Variants in TSEN54 observed in about 807,000 individuals in gnomAD.
The protein encoded by TSEN54 is tRNA-splicing endonuclease subunit Sen54.
In TSEN54, 55 loss-of-function variants were observed where a neutral mutation model predicts 61.9. The ratio of observed to expected loss-of-function variants is 0.89; its 90% CI spans 0.72 to 1.11. The LOEUF (loss-of-function observed/expected upper bound fraction) is 1.11. Among genes scored for constraint, TSEN54 ranks in the 50% most tolerant of loss-of-function variants. The pLI is 0.00. For missense variants in TSEN54, 760 were observed against 687.7 expected (o/e 1.11, Z -1.18); for synonymous variants, 304 against 288.7 (o/e 1.05, Z -0.54).
chr17:75,523,055 T>G, intron 8 of TSEN54: 1 of 571,158 alleles, frequency 1.8e-6, no homozygotes, highest in Non-Finnish European at 3.2e-6. Flanking sequence ...GGTGCACACT[T>G]ATAATCCCAG....
intron 6 of TSEN54, 157 bp from the exon 7 acceptor site, chr17:75,521,252 G>A (rs2053424089): frequency 4.3e-6 from 3 of 692,704 alleles, no homozygotes; most frequent in Non-Finnish European, 7.8e-6. Context: ...GGCTGGGCCT[G>A]TACCCCTCAT....
intron 6 of TSEN54, among the ~76,000 whole-genome samples, chr17:75,520,076 G>A (rs1022000511): frequency 6.6e-6 from 1 of 151,662 alleles, no homozygotes; most frequent in Admixed American, 6.6e-5. Flanking sequence ...CACACTCACT[G>A]TGCAAAATCA....
At chr17:75,520,871 G>A (rs2053420112) in intron 6 of TSEN54, among the ~76,000 whole-genome samples, 1 of 151,330 alleles carries the variant, frequency 6.6e-6, no homozygotes, top group African/African-American at 2.4e-5. Flanking sequence ...CAGGAGAATC[G>A]CTTGAACCCA....
At position 75,522,080 on chromosome 17, in the gene TSEN54, C is replaced by A. The variant is rs942598979; in HGVS notation, c.999C>A (p.Asp333Glu). ...CCAACGTGGCTGGGCGGGAGACAGA[C>A]GCTGAGTCCTGGTGCCAGAAGCTGA... Reference protein sequence around the residue: ...LPANVAGRETDAESWCQKLNQ... With the variant: ...LPANVAGRETEAESWCQKLNQ... Residue 333 changes from aspartate to glutamate, a missense_variant, in exon 8 of 11, where the codon GAC becomes GAA. Asp to Glu is a conservative substitution (Grantham distance 45). This residue lies in a region of TSEN54 where 667 missense variants were observed against 577.8 expected (regional missense o/e 1.15). Coordinates refer to ENST00000333213, the MANE Select transcript of TSEN54 (RefSeq NM_207346.3). The A allele has an allele frequency of 1.3e-6, 2 of 1,586,186 alleles. No individual in the cohort carries two copies. Among genetic ancestry groups the A allele is most frequent in the East Asian group, 4.6e-5 (2 of 43,082 alleles).
Position 75,518,560 on chromosome 17 carries a change from A to G in TSEN54, c.469-435A>G, listed in dbSNP as rs560346589. ...CCTCTGATATGAATGCAGGGACACA[A>G]GGTTGAATATGTGGCTCCCTACCAG... On this transcript the variant is annotated intron_variant, in intron 5 of 10. Transcript: ENST00000333213. 13 of 985,422 alleles carry G rather than the reference A, an allele frequency of 1.3e-5. No homozygotes were observed. In the East Asian group the frequency reaches 4.5e-4, roughly 34 times the overall value. 61.0% of individuals were successfully genotyped at this position (985,422 alleles called of 1,614,324 possible).
intron 9 of TSEN54, 126 bp from the exon 10 acceptor site, chr17:75,523,537 G>T: frequency 6.2e-7 from 1 of 1,609,182 alleles, no homozygotes; most frequent in South Asian, 1.1e-5. Flanking sequence ...AGGGTTCAGA[G>T]CCCCCAACCC....
chr17:75,523,582 CTGG>C, intron 9 of TSEN54, 78 bp from the exon 10 acceptor site: 1 of 1,613,586 alleles, frequency 6.2e-7, no homozygotes, highest in East Asian at 2.2e-5. Context: ...CTTCCTGGAA[CTGG>C]TGGAGGGAAA....
In TSEN54 at chr17:75,522,909, G is replaced by A. The variant is rs11654780; in HGVS notation, c.1253-366G>A. ...AAAAAAATGTTGCTAGGCTGGACAC[G>A]GTGGCTCATACCCGTAATCCCAGCA... On this transcript the variant is annotated intron_variant, in intron 8 of 10. Transcript: ENST00000333213. 7.9e-3 allele frequency: 2,646 copies of A among 333,964 alleles called. 16 individuals carry two copies. The highest frequency in any genetic ancestry group is 0.012 in the Non-Finnish European group (2,009 of 172,988). 20.7% of individuals were successfully genotyped at this position (333,964 alleles called of 1,614,324 possible).
intron 6 of TSEN54, among the ~76,000 whole-genome samples, chr17:75,519,475 G>A (rs1255562267): frequency 1.3e-5 from 2 of 152,236 alleles, no homozygotes; most frequent in Non-Finnish European, 2.9e-5. Context: ...ATCCAGCATT[G>A]GTAAAAGGCA....
At chr17:75,520,382 C>T (rs1414851550) in intron 6 of TSEN54, among the ~76,000 whole-genome samples, 2 of 143,498 alleles carry the variant, frequency 1.4e-5, no homozygotes, top group African/African-American at 5.3e-5. Flanking sequence ...CCAGCCTGGA[C>T]AGCGTGGTGA....
rs1377483253 is a variant in TSEN54, at chr17:75,516,996, C to G, written c.222-13C>G. On this transcript the variant is annotated splice_polypyrimidine_tract_variant and intron_variant, in intron 2 of 10. Transcript: ENST00000333213. Reference sequence around the variant, plus strand: ...GAATGGACTGACGCAGACCCCTCCCCACTCCTCGCCAGGGGCAGCTTGGTG... The same window carrying G: ...GAATGGACTGACGCAGACCCCTCCCGACTCCTCGCCAGGGGCAGCTTGGTG... 2 of 1,573,946 alleles carry G rather than the reference C, an allele frequency of 1.3e-6. No individual in the cohort carries two copies. The highest frequency in any genetic ancestry group is 1.8e-5 in the Admixed American group (1 of 54,462).
chr17:75,516,569 C>CCG lies in TSEN54; in HGVS notation c.9_10insCG (p.Glu4ArgfsTer89). ...CGGCAGGCGGCGGCGGGATGGAGCC[C>CCG]GAGCCCGAGCCCGCGGCCGTGGAGG... is the stretch of plus-strand genomic sequence containing the variant. On this transcript the variant is annotated frameshift_variant, in exon 1 of 11. Transcript: ENST00000333213. LOFTEE classifies it high-confidence loss of function. 1.9e-5 allele frequency: 21 copies of CCG among 1,121,238 alleles called. No individual in the cohort carries two copies. Among genetic ancestry groups the CCG allele is most frequent in the Non-Finnish European group, 2.3e-5 (21 of 917,594 alleles). 69.5% of individuals were successfully genotyped at this position (1,121,238 alleles called of 1,614,324 possible).
chr17:75,517,534 T>C (rs776136724), intron 4 of TSEN54, 23 bp from the exon 5 acceptor site: 8 of 1,601,754 alleles, frequency 5.0e-6, no homozygotes, highest in Non-Finnish European at 6.8e-6. Flanking sequence ...GCTCATAAGC[T>C]GAGCTGTTGG....
chr17:75,516,859 G>C lies in TSEN54; in HGVS notation c.170G>C (p.Arg57Pro). The change falls in exon 2 of 11, where the codon CGG becomes CCG. Residue 57 changes from arginine (R) to proline (P), a missense_variant. Transcript: ENST00000333213. ...GCAGCTCAGGCCGAGCGGCTGCGCC[G>C]GTGCCGGGAAGAGCTCTGGCAGCTG... ...GSAAQAERLRRCREELWQLLA... is the reference protein window; with the variant it reads ...GSAAQAERLRPCREELWQLLA... 6.4e-7 allele frequency: 1 copy of C among 1,571,532 alleles called. No individual in the cohort carries two copies. Among genetic ancestry groups the C allele is most frequent in the African/African-American group, 1.4e-5 (1 of 74,012 alleles).
At chr17:75,517,957 G>A (rs2053391440) in intron 5 of TSEN54, among the ~76,000 whole-genome samples, 1 of 152,168 alleles carries the variant, frequency 6.6e-6, no homozygotes, top group African/African-American at 2.4e-5. Flanking sequence ...AAAAATAGAT[G>A]AATCTCAGAA....
At chr17:75,522,720 G>A (rs1159624043) in intron 8 of TSEN54, 4 of 372,232 alleles carry the variant, frequency 1.1e-5, no homozygotes, top group East Asian at 1.1e-4. Context: ...GAAAGAATAA[G>A]CTAAATGTGT....
In TSEN54 at chr17:75,523,798, C is replaced by T. The variant is rs761207046; in HGVS notation, c.1430+19C>T. On this transcript the variant is annotated intron_variant, in intron 10 of 10. Transcript: ENST00000333213. ...TTAGTGGGTACGCAGTGAGCCAGCA[C>T]TGCCCCTCCCCCAGCTGCTGCCAGT... The T allele has an allele frequency of 3.1e-6, 5 of 1,611,660 alleles. No individual in the cohort carries two copies. Among genetic ancestry groups the T allele is most frequent in the Non-Finnish European group, 4.2e-6 (5 of 1,178,922 alleles).
At chr17:75,519,827 C>T (rs930329697) in intron 6 of TSEN54, among the ~76,000 whole-genome samples, 3 of 152,202 alleles carry the variant, frequency 2.0e-5, no homozygotes, top group African/African-American at 7.2e-5. Flanking sequence ...CCCGCCTCAG[C>T]CTCCCAAAGT....
At chr17:75,523,849 T>A in intron 10 of TSEN54, 70 bp downstream of exon 10, 1 of 1,525,336 alleles carries the variant, frequency 6.6e-7, no homozygotes, top group Non-Finnish European at 9.0e-7. Context: ...GTGGGACTCC[T>A]CTGTACTCCC....
Sources: allele counts gnomAD v4.1 joint callset (sites outside exome capture counted in the v4.1 genomes callset), GRCh38; gene constraint gnomAD v4.1.1; regional missense constraint gnomAD v4.1.1; transcripts MANE v1.5; gene names NCBI Gene and HGNC (gene_info 2026-07-23, HGNC 2026-07-21).